P2RX5: variants seen among roughly 807,000 people sequenced by gnomAD.
P2RX5 encodes the protein P2X purinoceptor 5.
P2RX5 carries 46 observed loss-of-function variants against 54.1 expected under a neutral mutation model. That is an observed-to-expected ratio of 0.85 (90% CI 0.67 to 1.09). P2RX5 has a LOEUF of 1.09. Among genes scored for constraint, P2RX5 ranks in the 50% least tolerant of loss-of-function variants. The pLI, the probability that P2RX5 is intolerant of heterozygous loss-of-function variation, is 0.00. For synonymous variants in P2RX5, 226 were observed against 226.4 expected (o/e 1.00, Z 0.02); for missense variants, 566 against 549.8 (o/e 1.03, Z -0.29).
At chr17:3,701,938 G>A in the P2RX5 span, among the ~76,000 whole-genome samples, 1 of 151,478 alleles carries the variant, frequency 6.6e-6, no homozygotes, top group Non-Finnish European at 1.5e-5. Context: ...ATTTTTTTGT[G>A]TGTAATTTTT....
At chr17:3,682,054 C>T (rs1385445376) in intron 9 of P2RX5, 76 bp from the exon 10 acceptor site, 5 of 942,338 alleles carry the variant, frequency 5.3e-6, no homozygotes, top group South Asian at 1.3e-5. Flanking sequence ...TTGCCCCTTC[C>T]ATCCTGCAAC....
upstream of P2RX5, among the ~76,000 whole-genome samples, chr17:3,699,842 A>G (rs28453817): frequency 2.5e-3 from 232 of 91,500 alleles, 6 homozygotes; most frequent in Non-Finnish European, 4.5e-3. Context: ...GAGAGAGAGA[A>G]AGAAAAAGAA....
chr17:3,685,123 G>A (rs1450753093), intron 9 of P2RX5, among the ~76,000 whole-genome samples: 2 of 152,096 alleles, frequency 1.3e-5, no homozygotes, highest in Non-Finnish European at 2.9e-5. Context: ...GGGATTACAG[G>A]TGTGAGTCAC....
At chr17:3,678,375 G>A (rs2050151893) in intron 11 of P2RX5, among the ~76,000 whole-genome samples, 1 of 152,228 alleles carries the variant, frequency 6.6e-6, no homozygotes, top group African/African-American at 2.4e-5. Context: ...CTGGAGCGTG[G>A]GCCTGTGAGT....
At position 3,683,748 on chromosome 17, in the gene P2RX5, A is replaced by G. The variant is rs67438155; in HGVS notation, c.982-1770T>C. The stretch of plus-strand genomic sequence containing the variant: ...CCGTCTCAAAAAAAAAAAAAAAAAA[A>G]GAAAAGTGATAGCTGAAGGTGGGCC... On this transcript the variant is annotated intron_variant, in intron 9 of 11. Transcript: ENST00000225328. Among the ~76,000 whole-genome samples, 387 of 142,444 alleles carry G rather than the reference A, an allele frequency of 2.7e-3. 63 individuals are homozygous for G. Among genetic ancestry groups the G allele is most frequent in the Non-Finnish European group, 3.2e-3 (210 of 64,834 alleles). The allele number at this position is 142,444 out of a possible 152,430, so 93.4% of individuals were successfully genotyped here.
In P2RX5 at chr17:3,688,050, C is replaced by T. The variant is rs148409834; in HGVS notation, c.943G>A (p.Ala315Thr). 4.1e-5 allele frequency: 66 copies of T among 1,604,598 alleles called. No homozygotes were observed. The Admixed American group carries it at 6.2e-4, about 15-fold the overall frequency. ...ATCACGTCAAAGCGGATCCCGTAGG[C>T]TTTCATCAGGGTGCGGAACTCCACC... is the stretch of plus-strand genomic sequence containing the variant. ...AGVEFRTLMKAYGIRFDVMVN... is the reference protein window; with the variant it reads ...AGVEFRTLMKTYGIRFDVMVN... The change falls in exon 9 of 12, where the codon GCC becomes ACC. Residue 315 changes from alanine to threonine, a missense_variant. Coordinates refer to ENST00000225328, the MANE Select transcript of P2RX5 (RefSeq NM_002561.4).
upstream of P2RX5, among the ~76,000 whole-genome samples, chr17:3,696,934 G>C (rs1024866866): frequency 3.3e-5 from 5 of 152,118 alleles, no homozygotes; most frequent in East Asian, 3.9e-4. Context: ...GTGGTTGTGG[G>C]GGGGAAGCCG....
chr17:3,688,868 G>A (rs550964712), intron 7 of P2RX5, 109 bp from the exon 8 acceptor site: 10 of 1,285,178 alleles, frequency 7.8e-6, no homozygotes, highest in East Asian at 4.6e-5. Context: ...GCTCAGGCAC[G>A]AGGTCAGCCC....
rs758889935 is a variant in P2RX5 at position 3,691,612 on chromosome 17, G to C, written c.288+32C>G. The C allele has an allele frequency of 1.9e-6, 3 of 1,613,876 alleles. No individual in the cohort carries two copies. The South Asian group carries it at 3.3e-5, about 18-fold the overall frequency. On this transcript the variant is annotated intron_variant, in intron 2 of 11. Coordinates refer to ENST00000225328, the MANE Select transcript of P2RX5 (RefSeq NM_002561.4). ...CACCCGAACCAGGCAGTCCCTGCCA[G>C]CCTTGGCCGTGTGCTAGGTGGGGAC...
the P2RX5 span, among the ~76,000 whole-genome samples, chr17:3,718,813 C>G: frequency 6.6e-6 from 1 of 152,182 alleles, no homozygotes; most frequent in Non-Finnish European, 1.5e-5. Flanking sequence ...TGGTACCATT[C>G]TCTGTATGGC....
intron 2 of P2RX5, 97 bp downstream of exon 2, chr17:3,691,547 A>G: frequency 6.9e-7 from 1 of 1,458,972 alleles, no homozygotes; most frequent in African/African-American, 1.4e-5. Context: ...GAGATGATGG[A>G]TGGGGGTCCC....
At position 3,688,096 on chromosome 17, in the gene P2RX5, T is replaced by G; in HGVS notation, c.897A>C (p.Arg299Ser). Reference protein sequence around the residue: ...VSSGYNFRFARYYRDAAGVEF... With the variant: ...VSSGYNFRFASYYRDAAGVEF... ...CCACCCCGGCTGCGTCTCGGTAATA[T>G]CTGGCAAATCTGAGGGAGACAGGGC... The change falls in exon 9 of 12, where the codon AGA (arginine) becomes AGC (serine). Residue 299 changes from arginine (R) to serine (S), a missense_variant. Coordinates refer to ENST00000225328, the MANE Select transcript of P2RX5 (RefSeq NM_002561.4). 1.3e-6 allele frequency: 2 copies of G among 1,588,498 alleles called. No individual in the cohort carries two copies. The highest frequency in any genetic ancestry group is 1.7e-6 in the Non-Finnish European group (2 of 1,162,800).
At position 3,688,642 on chromosome 17, in the gene P2RX5, A is replaced by G. The variant is rs757145266; in HGVS notation, c.871T>C (p.Ser291Pro). ...LDNKLSKSVS[S>P]GYNFRFARYY... The stretch of plus-strand genomic sequence containing the variant: ...AGCGGTTACCTGAAGTTGTACCCGG[A>G]GGAGACAGACTTTGAAAGTTTATTG... Residue 291 changes from serine (S) to proline (P), a missense_variant, in exon 8 of 12, where the codon TCC (serine) becomes CCC (proline). Coordinates refer to ENST00000225328, the MANE Select transcript of P2RX5 (RefSeq NM_002561.4). 1.2e-6 allele frequency: 2 copies of G among 1,614,118 alleles called. No homozygotes were observed. Among genetic ancestry groups the G allele is most frequent in the East Asian group, 2.2e-5 (1 of 44,886 alleles).
At chr17:3,684,702 A>C (rs1489027630) in intron 9 of P2RX5, among the ~76,000 whole-genome samples, 3 of 152,222 alleles carry the variant, frequency 2.0e-5, no homozygotes, top group East Asian at 3.8e-4. Context: ...GACACCCAGC[A>C]CAGCCCTCTG....
chr17:3,678,225 C>T (rs1457780285), intron 11 of P2RX5: 7 of 319,840 alleles, frequency 2.2e-5, no homozygotes. Context: ...AGCAACGCTC[C>T]TGGCAGCACT....
At chr17:3,676,144 G>C (rs978127303) in intron 11 of P2RX5, 1 of 985,496 alleles carries the variant, frequency 1.0e-6, no homozygotes, top group African/African-American at 1.7e-5. Context: ...CAGGTGGCTC[G>C]GGCAATGGCG....
chr17:3,718,956 A>G, the P2RX5 span, among the ~76,000 whole-genome samples: 20,734 of 152,092 alleles, frequency 0.14, 4,725 homozygotes, highest in African/African-American at 0.47. Context: ...ACTTAGCCGG[A>G]CATGGTGGCT....
intron 8 of P2RX5, 88 bp from the exon 9 acceptor site, chr17:3,688,193 A>G (rs1442089825): frequency 7.9e-6 from 6 of 762,744 alleles, no homozygotes; most frequent in Admixed American, 2.0e-5. Flanking sequence ...GGGGACTTAG[A>G]AGGACTCCCG....
rs1175102584 is a variant in P2RX5 at position 3,673,845 on chromosome 17, G to T, written c.*23C>A. 2.2e-5 allele frequency: 35 copies of T among 1,612,736 alleles called. No individual in the cohort carries two copies. Among genetic ancestry groups the T allele is most frequent in the Non-Finnish European group, 2.8e-5 (33 of 1,179,978 alleles). Reference sequence around the variant, plus strand: ...GCTAGACGGCTGGGTTTAGGACAGGGCCTGAACGTAAGCAGAGGCAATTCA... The same window carrying T: ...GCTAGACGGCTGGGTTTAGGACAGGTCCTGAACGTAAGCAGAGGCAATTCA... On this transcript the variant is annotated 3_prime_UTR_variant, in exon 12 of 12. Transcript: ENST00000225328.
Sources: gnomAD v4.1 joint callset for allele counts (sites outside exome capture counted in the v4.1 genomes callset) on GRCh38, gnomAD v4.1.1 for gene constraint, MANE v1.5 for transcripts, NCBI Gene and HGNC (gene_info 2026-07-23, HGNC 2026-07-21) for gene names.